AUH: variants seen among roughly 807,000 people sequenced by gnomAD.
The protein encoded by AUH is methylglutaconyl-CoA hydratase, mitochondrial.
A neutral mutation model predicts 42.3 loss-of-function variants in AUH; 29 were observed. That is an observed-to-expected ratio of 0.69 (90% CI 0.51 to 0.93). The LOEUF is 0.93. Among genes scored for constraint, AUH ranks in the 40% least tolerant of loss-of-function variants. The probability of loss-of-function intolerance (pLI) is 0.00; values close to 1 mark genes in which losing one functional copy is unlikely to be tolerated. For synonymous variants in AUH, 174 were observed against 166.4 expected (o/e 1.05, Z -0.35); for missense variants, 452 against 438.1 (o/e 1.03, Z -0.28).
intron 6 of AUH, among the ~76,000 whole-genome samples, chr9:91,268,959 G>A (rs191871877): frequency 1.3e-5 from 2 of 151,994 alleles, no homozygotes; most frequent in Admixed American, 1.3e-4. Context: ...TCCTACTGAG[G>A]TGGTATGATT....
intron 6 of AUH, among the ~76,000 whole-genome samples, chr9:91,257,169 A>G (rs1160043220): frequency 6.6e-6 from 1 of 152,138 alleles, no homozygotes; most frequent in African/African-American, 2.4e-5. Flanking sequence ...GGTTACGTTG[A>G]TCTAGCTGGA....
chr9:91,237,654 C>A (rs1828267075), intron 6 of AUH, among the ~76,000 whole-genome samples: 1 of 151,990 alleles, frequency 6.6e-6, no homozygotes, highest in Admixed American at 6.5e-5. Flanking sequence ...CAGTTAAAAT[C>A]TTTATTGATG....
chr9:91,233,228 A>G (rs1309807135), intron 6 of AUH, among the ~76,000 whole-genome samples: 5 of 152,168 alleles, frequency 3.3e-5, no homozygotes, highest in African/African-American at 1.2e-4. Flanking sequence ...AAGGGCTCTG[A>G]GCAGGTGACA....
chr9:91,246,962 G>C (rs746527679), intron 6 of AUH, among the ~76,000 whole-genome samples: 15 of 152,126 alleles, frequency 9.9e-5, no homozygotes, highest in Non-Finnish European at 2.2e-4. Context: ...TGCCTTCCCA[G>C]ACTTCTTATA....
intron 6 of AUH, among the ~76,000 whole-genome samples, chr9:91,292,355 T>A (rs1266823922): frequency 6.7e-6 from 1 of 149,454 alleles, no homozygotes; most frequent in Non-Finnish European, 1.5e-5. Flanking sequence ...CTCGGCTCAC[T>A]GCAATTTCCA....
At chr9:91,350,758 CAA>C (rs145346338) in intron 3 of AUH, among the ~76,000 whole-genome samples, 2 of 125,088 alleles carry the variant, frequency 1.6e-5, no homozygotes, top group African/African-American at 3.0e-5. Context: ...GATTTCATCT[CAA>C]AAAAAAAAAA....
intron 4 of AUH, among the ~76,000 whole-genome samples, chr9:91,321,690 C>T (rs753193855): frequency 6.6e-6 from 1 of 152,112 alleles, no homozygotes; most frequent in African/African-American, 2.4e-5. Context: ...TGTTTTAGTA[C>T]AAACCTGTGA....
chr9:91,246,177 A>G (rs186245202), intron 6 of AUH, among the ~76,000 whole-genome samples: 406 of 152,376 alleles, frequency 2.7e-3, no homozygotes, highest in African/African-American at 9.0e-3. Context: ...AAGAAACACC[A>G]CAACAATTCT....
intron 3 of AUH, among the ~76,000 whole-genome samples, chr9:91,353,656 A>G (rs746105212): frequency 6.6e-6 from 1 of 151,696 alleles, no homozygotes; most frequent in African/African-American, 2.4e-5. Flanking sequence ...TGGCTAATAC[A>G]GTGAAACCCT....
intron 4 of AUH, chr9:91,306,436 A>G: frequency 1.1e-6 from 1 of 943,914 alleles, no homozygotes; most frequent in Non-Finnish European, 1.3e-6. Context: ...TCTATTTCTG[A>G]TAAAAAGATA....
At chr9:91,229,969 T>C (rs1462462509) in intron 6 of AUH, among the ~76,000 whole-genome samples, 1 of 152,062 alleles carries the variant, frequency 6.6e-6, no homozygotes, top group Non-Finnish European at 1.5e-5. Flanking sequence ...ACCCGACCTT[T>C]CTCTCTGGCT....
At chr9:91,255,758 T>A (rs1294552874) in intron 6 of AUH, among the ~76,000 whole-genome samples, 3 of 152,192 alleles carry the variant, frequency 2.0e-5, no homozygotes, top group Non-Finnish European at 4.4e-5. Flanking sequence ...ATTTTTATTT[T>A]CAACTATCAA....
chr9:91,275,327 TTCTCAA>T (rs1389511186), intron 6 of AUH, among the ~76,000 whole-genome samples: 8 of 152,180 alleles, frequency 5.3e-5, no homozygotes, highest in Non-Finnish European at 1.0e-4. Flanking sequence ...AGCCCATATT[TTCTCAA>T]TCTCTTTTTG....
rs374386316 is a variant in AUH, at chr9:91,355,982, T to C, written c.331-12A>G. 5.6e-6 allele frequency: 9 copies of C among 1,607,926 alleles called. No individual in the cohort carries two copies. The Admixed American group carries it at 1.0e-4, about 18-fold the overall frequency. The stretch of plus-strand genomic sequence containing the variant: ...ACAGCTTTTGATAGCTAAACAGAAA[T>C]AGGAAGCATAGGAGGAAAAAGAGAA... On this transcript the variant is annotated splice_polypyrimidine_tract_variant and intron_variant, in intron 2 of 9. Coordinates refer to ENST00000375731, the MANE Select transcript of AUH (RefSeq NM_001698.3).
intron 6 of AUH, among the ~76,000 whole-genome samples, chr9:91,251,432 T>C (rs1436999583): frequency 2.0e-5 from 3 of 152,244 alleles, no homozygotes; most frequent in Admixed American, 1.3e-4. Context: ...TGAATACTCA[T>C]AGGAGATTTA....
At chr9:91,262,965 G>A (rs1374251848) in intron 6 of AUH, among the ~76,000 whole-genome samples, 1 of 152,190 alleles carries the variant, frequency 6.6e-6, no homozygotes, top group African/African-American at 2.4e-5. Context: ...CAACAGGTAT[G>A]TTTCTTGAGT....
chr9:91,280,317 T>C (rs1357007173), intron 6 of AUH, among the ~76,000 whole-genome samples: 1 of 152,166 alleles, frequency 6.6e-6, no homozygotes, highest in Non-Finnish European at 1.5e-5. Context: ...TTTAACTTGA[T>C]ACAAAAATAA....
At chr9:91,350,117 T>C (rs7852934) in intron 3 of AUH, among the ~76,000 whole-genome samples, 16,983 of 152,272 alleles carry the variant, frequency 0.11, 1,060 homozygotes, top group African/African-American at 0.16. Context: ...GTGACAACTA[T>C]GACATATTTT....
intron 6 of AUH, among the ~76,000 whole-genome samples, chr9:91,222,246 T>C (rs1468915145): frequency 6.6e-6 from 1 of 151,982 alleles, no homozygotes. Flanking sequence ...TGGAAAAAAA[T>C]TAAAGACCAC....
Sources: allele counts gnomAD v4.1 joint callset (sites outside exome capture counted in the v4.1 genomes callset), GRCh38; gene constraint gnomAD v4.1.1; transcripts MANE v1.5; gene names NCBI Gene and HGNC (gene_info 2026-07-23, HGNC 2026-07-21).